GATB: variants seen among roughly 807,000 people sequenced by gnomAD.
GATB encodes glutamyl-tRNA amidotransferase subunit B.
In GATB, 39 loss-of-function variants were observed where a neutral mutation model predicts 62.3. The observed-to-expected ratio is 0.63, with a 90% CI of 0.48 to 0.82. The LOEUF is 0.82. Among genes scored for constraint, GATB ranks in the 40% least tolerant of loss-of-function variants. The pLI is 0.00. For synonymous variants in GATB, 276 were observed against 258.9 expected (o/e 1.07, Z -0.63); for missense variants, 670 against 684.0 (o/e 0.98, Z 0.23).
chr4:151,760,594 C>T (rs1175212839), intron 1 of GATB, among the ~76,000 whole-genome samples: 1 of 152,244 alleles, frequency 6.6e-6, no homozygotes, highest in East Asian at 1.9e-4. Flanking sequence ...AATTCCCCAA[C>T]TACATCTATT....
At position 151,701,409 on chromosome 4, in the gene GATB, G is replaced by A. The variant is rs1257124904; in HGVS notation, c.1117C>T (p.Leu373Phe). The part of the protein sequence containing the change: ...VINIDQIRET[L>F]PELPSVTREK... ...CGGGTCACACTGGGGAGCTCCGGGA[G>A]TGTCTCCCGAATCTGGTCAATATTG... Residue 373 changes from leucine to phenylalanine, a missense_variant, in exon 9 of 13, where the codon CTC becomes TTC. By Grantham distance (22) the Leu-to-Phe change is conservative. Coordinates refer to ENST00000263985, the MANE Select transcript of GATB (RefSeq NM_004564.3). 1 of 1,605,896 alleles carries A rather than the reference G, an allele frequency of 6.2e-7. No homozygotes were observed. Among genetic ancestry groups the A allele is most frequent in the Non-Finnish European group, 8.5e-7 (1 of 1,176,070 alleles).
intron 9 of GATB, among the ~76,000 whole-genome samples, chr4:151,699,028 C>CA (rs1012783714): frequency 2.0e-5 from 3 of 150,880 alleles, no homozygotes; most frequent in Middle Eastern, 6.8e-3. Flanking sequence ...TCTTGGAAGG[C>CA]AAAAAAAATC....
At chr4:151,701,267 C>T in intron 9 of GATB, 62 bp downstream of exon 9, 1 of 1,364,740 alleles carries the variant, frequency 7.3e-7, no homozygotes, top group Non-Finnish European at 9.7e-7. Flanking sequence ...GTGGCGGGGC[C>T]TCTGAAGGGC....
chr4:151,712,287 T>TA (rs953216285), intron 5 of GATB, among the ~76,000 whole-genome samples: 28 of 152,198 alleles, frequency 1.8e-4, no homozygotes, highest in Admixed American at 1.6e-3. Flanking sequence ...AAATACCTTT[T>TA]AAACAAATTA....
chr4:151,672,668 G>A, intron 12 of GATB, 94 bp downstream of exon 12: 2 of 1,351,820 alleles, frequency 1.5e-6, no homozygotes, highest in Non-Finnish European at 2.0e-6. Context: ...CCATTCTTAG[G>A]AAGAGCCTCT....
intron 6 of GATB, 41 bp from the exon 7 acceptor site, chr4:151,705,310 A>G (rs775443409): frequency 3.7e-5 from 46 of 1,251,954 alleles, no homozygotes; most frequent in Admixed American, 5.2e-5. Flanking sequence ...TTTTGATTAT[A>G]CCTTTCATCC....
intron 10 of GATB, among the ~76,000 whole-genome samples, chr4:151,684,394 G>A (rs959899561): frequency 6.6e-6 from 1 of 152,184 alleles, no homozygotes; most frequent in Non-Finnish European, 1.5e-5. Flanking sequence ...CAATTAAAAA[G>A]CCAAGTTCAA....
chr4:151,699,387 CAAAAAAAAA>C (rs35279340), intron 9 of GATB, among the ~76,000 whole-genome samples: 1 of 80,108 alleles, frequency 1.2e-5, no homozygotes, highest in African/African-American at 4.1e-5. Flanking sequence ...GACCCTGTCT[CAAAAAAAAA>C]AAAAAAAAAG....
At chr4:151,715,975 A>C (rs1560854342) in intron 5 of GATB, 34 bp downstream of exon 5, 1 of 1,605,022 alleles carries the variant, frequency 6.2e-7, no homozygotes, top group African/African-American at 1.3e-5. Flanking sequence ...AGGAAGGGAG[A>C]GGGAAAGAAG....
At chr4:151,710,013 C>T (rs1738786328) in intron 5 of GATB, among the ~76,000 whole-genome samples, 1 of 152,192 alleles carries the variant, frequency 6.6e-6, no homozygotes, top group Non-Finnish European at 1.5e-5. Flanking sequence ...GCTACTGTCC[C>T]TCTCCTCATC....
chr4:151,744,526 G>C (rs1002928936), intron 2 of GATB, among the ~76,000 whole-genome samples: 2 of 152,140 alleles, frequency 1.3e-5, no homozygotes. Flanking sequence ...GAGGCAGGAG[G>C]ACTCCTTGAA....
At chr4:151,716,277 C>CT (rs1204900952) in intron 4 of GATB, 146 bp from the exon 5 acceptor site, 12,078 of 412,738 alleles carry the variant, frequency 0.029, 15 homozygotes, top group South Asian at 0.045. Flanking sequence ...TCCCTCCCAC[C>CT]TTTTTTTTTT....
intron 10 of GATB, among the ~76,000 whole-genome samples, chr4:151,681,767 C>T (rs892378072): frequency 2.6e-5 from 4 of 152,178 alleles, no homozygotes; most frequent in Admixed American, 6.5e-5. Flanking sequence ...AAGATAAAGG[C>T]GCTGGCAGAT....
chr4:151,694,695 G>A (rs976488009), intron 9 of GATB, among the ~76,000 whole-genome samples: 7 of 152,128 alleles, frequency 4.6e-5, no homozygotes, highest in Admixed American at 1.3e-4. Flanking sequence ...CAGTAAGTCT[G>A]GCCAGTCTAA....
rs1433160075 is a variant in GATB at position 151,730,930 on chromosome 4, CCT to C, written c.328-11394_328-11393del. Among the ~76,000 whole-genome samples, 1 of 152,156 alleles carries C rather than the reference CCT, an allele frequency of 6.6e-6. No homozygotes were observed. Among genetic ancestry groups the C allele is most frequent in the East Asian group, 1.9e-4 (1 of 5,200 alleles). ...AATGAATCCAAATCAAGAAGAAATCCCTGATTTACCTGAAAAAGAATTCAGGA... is the reference window on the plus strand; with the variant it reads ...AATGAATCCAAATCAAGAAGAAATCCGATTTACCTGAAAAAGAATTCAGGA... On this transcript the variant is annotated intron_variant, in intron 2 of 12. Transcript: ENST00000263985. The surrounding 1 kb of genome is among the most constrained non-coding windows in gnomAD (Gnocchi z 4.1).
At chr4:151,727,031 T>G (rs1739150965) in intron 2 of GATB, among the ~76,000 whole-genome samples, 1 of 152,188 alleles carries the variant, frequency 6.6e-6, no homozygotes, top group Non-Finnish European at 1.5e-5. Context: ...ATACTCCCAC[T>G]TTCGCCTCCC....
Position 151,760,950 on chromosome 4 carries a change from A to G in GATB, c.33T>C (p.Arg11=). Residue 11 remains arginine (R), a synonymous_variant, in exon 1 of 13, where the codon CGT becomes CGC. Coordinates refer to ENST00000263985, the MANE Select transcript of GATB (RefSeq NM_004564.3). ...CCCGGGCGAAAGCCCAACGTCTTCC[A>G]CGGCAGCCCCAGCGCAGCATGGGCG... is the stretch of plus-strand genomic sequence containing the variant. MAAPMLRWGC[R]GRRWAFARVD... is the part of the protein sequence containing the mutation. 1 of 1,613,278 alleles carries G rather than the reference A, an allele frequency of 6.2e-7. No individual in the cohort carries two copies. The highest frequency in any genetic ancestry group is 8.5e-7 in the Non-Finnish European group (1 of 1,179,804).
intron 2 of GATB, among the ~76,000 whole-genome samples, chr4:151,738,091 A>G (rs1002910567): frequency 6.6e-6 from 1 of 152,166 alleles, no homozygotes. Flanking sequence ...AGAAAGGTAG[A>G]TCCACTGACA....
At chr4:151,745,600 A>G (rs1207976502) in intron 2 of GATB, among the ~76,000 whole-genome samples, 2 of 152,256 alleles carry the variant, frequency 1.3e-5, no homozygotes, top group Admixed American at 1.3e-4. Context: ...ATGTTCCAGA[A>G]GGAATCTCTA....
Sources: allele counts gnomAD v4.1 joint callset (sites outside exome capture counted in the v4.1 genomes callset), GRCh38; gene constraint gnomAD v4.1.1; non-coding constraint Gnocchi (gnomAD v3.1); transcripts MANE v1.5; gene names NCBI Gene and HGNC (gene_info 2026-07-23, HGNC 2026-07-21).